Variants in HDAC8 observed in about 807,000 individuals in gnomAD.
HDAC8 encodes the protein histone deacetylase-like 1.
In HDAC8, 1 loss-of-function variant was observed where a neutral mutation model predicts 32.2. The ratio of observed to expected loss-of-function variants is 0.03; its 90% CI spans 0.01 to 0.15. HDAC8 has a LOEUF of 0.15. Ranked by LOEUF, HDAC8 falls within the 10% of genes least tolerant of loss-of-function variation. The probability of loss-of-function intolerance (pLI) is 1.00; values close to 1 mark genes in which losing one functional copy is unlikely to be tolerated. For missense variants in HDAC8, 117 were observed against 300.0 expected (o/e 0.39, Z 4.51); for synonymous variants, 108 against 113.9 (o/e 0.95, Z 0.33).
At chrX:72,560,565 T>TAAAAAAAAA (rs147846647) in intron 4 of HDAC8, among the ~76,000 whole-genome samples, 14 of 35,222 alleles carry the variant, frequency 4.0e-4, no homozygotes, top group East Asian at 9.4e-4. Context: ...CAATAAATAC[T>TAAAAAAAAA]AAAAAAAAAA....
intron 9 of HDAC8, among the ~76,000 whole-genome samples, chrX:72,434,998 A>G (rs2046911875): frequency 8.9e-6 from 1 of 112,514 alleles, no homozygotes; most frequent in Non-Finnish European, 1.9e-5. Flanking sequence ...AGTTACAAAA[A>G]TGTGTTTACA....
intron 4 of HDAC8, among the ~76,000 whole-genome samples, chrX:72,528,630 G>A (rs1285594413): frequency 2.7e-5 from 3 of 110,802 alleles, no homozygotes; most frequent in Non-Finnish European, 3.8e-5. Context: ...TGGTGGTGAC[G>A]GTATATGACA....
intron 9 of HDAC8, among the ~76,000 whole-genome samples, chrX:72,381,840 A>C (rs1321032143): frequency 8.9e-6 from 1 of 112,390 alleles, no homozygotes; most frequent in African/African-American, 3.2e-5. Context: ...GAAATGAGGA[A>C]GTGCCAGTCC....
chrX:72,382,672 T>G (rs1187832670), intron 9 of HDAC8, among the ~76,000 whole-genome samples: 1 of 112,243 alleles, frequency 8.9e-6, no homozygotes, highest in Non-Finnish European at 1.9e-5. Context: ...TCCATTCATA[T>G]GAAATGTTCA....
At chrX:72,409,547 C>T (rs1420229882) in intron 9 of HDAC8, among the ~76,000 whole-genome samples, 2 of 112,401 alleles carry the variant, frequency 1.8e-5, no homozygotes, top group Non-Finnish European at 3.8e-5. Context: ...CATATTCTGC[C>T]CTATCACATG....
At chrX:72,454,738 G>A (rs1162427435) in intron 9 of HDAC8, among the ~76,000 whole-genome samples, 1 of 112,396 alleles carries the variant, frequency 8.9e-6, no homozygotes, top group Non-Finnish European at 1.9e-5. Flanking sequence ...AGTCATTGCA[G>A]CATGTTATAG....
At chrX:72,420,443 G>T (rs1196078510) in intron 9 of HDAC8, among the ~76,000 whole-genome samples, 1 of 112,156 alleles carries the variant, frequency 8.9e-6, no homozygotes, top group African/African-American at 3.2e-5. Flanking sequence ...AAGGTTGACA[G>T]TAATGTCCCC....
chrX:72,394,165 A>G (rs782519498), intron 9 of HDAC8, among the ~76,000 whole-genome samples: 1 of 111,913 alleles, frequency 8.9e-6, no homozygotes, highest in Non-Finnish European at 1.9e-5. Context: ...TAATAATGGC[A>G]TTTTGGAATT....
chrX:72,439,893 C>A (rs1555980971), intron 9 of HDAC8, among the ~76,000 whole-genome samples: 3 of 111,700 alleles, frequency 2.7e-5, no homozygotes, highest in Non-Finnish European at 1.9e-5. Flanking sequence ...TAACACCCCA[C>A]TGTCAGTATT....
chrX:72,370,428 T>C (rs1187710630), intron 9 of HDAC8, among the ~76,000 whole-genome samples: 1 of 111,960 alleles, frequency 8.9e-6, no homozygotes, highest in African/African-American at 3.2e-5. Flanking sequence ...TGGCACGATC[T>C]CGGTTCACTG....
At chrX:72,370,767 T>C (rs2044850192) in intron 9 of HDAC8, among the ~76,000 whole-genome samples, 1 of 112,164 alleles carries the variant, frequency 8.9e-6, no homozygotes, top group Admixed American at 9.4e-5. Context: ...TGGAGTCTGA[T>C]GTTCGAGGGC....
chrX:72,386,908 T>A (rs2045449085), intron 9 of HDAC8, among the ~76,000 whole-genome samples: 1 of 112,022 alleles, frequency 8.9e-6, no homozygotes, highest in Non-Finnish European at 1.9e-5. Context: ...GACACAACTG[T>A]GCAGTTGTTG....
intron 9 of HDAC8, among the ~76,000 whole-genome samples, chrX:72,369,583 C>T (rs782208664): frequency 8.9e-5 from 10 of 112,046 alleles, no homozygotes; most frequent in South Asian, 3.7e-4. Flanking sequence ...CAGGCACCTC[C>T]GAACTGGGCT....
intron 9 of HDAC8, among the ~76,000 whole-genome samples, chrX:72,384,977 C>T (rs1386292851): frequency 1.8e-5 from 2 of 112,090 alleles, no homozygotes; most frequent in African/African-American, 3.2e-5. Flanking sequence ...TAAACATTTA[C>T]ATTGTTTTTC....
intron 10 of HDAC8, among the ~76,000 whole-genome samples, chrX:72,340,227 G>A (rs1455967911): frequency 1.8e-5 from 2 of 111,878 alleles, no homozygotes; most frequent in Admixed American, 1.9e-4. Context: ...TCACAGGAGT[G>A]GGCTGCTTGC....
intron 4 of HDAC8, among the ~76,000 whole-genome samples, chrX:72,544,626 TG>T (rs2050806461): frequency 9.0e-6 from 1 of 111,617 alleles, no homozygotes. Context: ...TTTTACACTT[TG>T]GGGCTTGGCC....
chrX:72,351,042 A>G (rs782594821), intron 10 of HDAC8, among the ~76,000 whole-genome samples: 55 of 111,825 alleles, frequency 4.9e-4, no homozygotes, highest in Non-Finnish European at 1.0e-3. Context: ...AAGGACTCAT[A>G]CATACTGGAA....
chrX:72,500,237 C>T (rs2049164130), intron 4 of HDAC8, among the ~76,000 whole-genome samples: 1 of 111,473 alleles, frequency 9.0e-6, no homozygotes, highest in Non-Finnish European at 1.9e-5. Flanking sequence ...TGAAACTATT[C>T]CAAAAAATTT....
At chrX:72,359,402 C>A (rs1305637380) in intron 9 of HDAC8, among the ~76,000 whole-genome samples, 1 of 110,821 alleles carries the variant, frequency 9.0e-6, no homozygotes, top group South Asian at 3.9e-4. Context: ...TCCAGTAGGG[C>A]GAATTAGGTT....
Sources: gnomAD v4.1 joint callset for allele counts (sites outside exome capture counted in the v4.1 genomes callset) on GRCh38, gnomAD v4.1.1 for gene constraint, MANE v1.5 for transcripts, NCBI Gene and HGNC (gene_info 2026-07-23, HGNC 2026-07-21) for gene names.